Variants in ERICH3 observed in about 807,000 individuals in gnomAD.
ERICH3 encodes the protein glutamate-rich protein 3.
Under a neutral mutation model 131.1 loss-of-function variants are expected in ERICH3, and 126 were observed. The ratio of observed to expected loss-of-function variants is 0.96; its 90% confidence interval spans 0.83 to 1.11. The LOEUF (loss-of-function observed/expected upper bound fraction) is 1.11, where lower values mean the gene tolerates loss of function less well. Ranked by LOEUF, ERICH3 falls within the 50% of genes most tolerant of loss-of-function variation. The probability of loss-of-function intolerance (pLI) is 0.00; values close to 1 mark genes in which losing one functional copy is unlikely to be tolerated. For missense variants in ERICH3, 2,050 were observed against 1,810.7 expected, an observed-to-expected ratio of 1.13 and a Z score of -2.40; for synonymous variants, 695 against 644.6, an observed-to-expected ratio of 1.08 and a Z score of -1.18.
intron 7 of ERICH3, among the ~76,000 whole-genome samples, chr1:74,626,402 C>G (rs947176602): frequency 1.3e-5 from 2 of 152,102 alleles, no homozygotes; most frequent in African/African-American, 2.4e-5. Context: ...TTATTTGGTA[C>G]CTAGGAGGTA....
chr1:74,578,280 A>AATG (rs3036371), intron 12 of ERICH3: 3,975 of 177,494 alleles, frequency 0.022, 156 homozygotes, highest in African/African-American at 0.083. Context: ...TAATAACAGC[A>AATG]ATGATGATGA....
intron 12 of ERICH3, chr1:74,578,703 TC>T (rs1327314380): frequency 1.7e-5 from 1 of 57,742 alleles, no homozygotes; most frequent in Non-Finnish European, 5.8e-5. Context: ...TTTACTTCCT[TC>T]CTTCCTTCCT....
chr1:74,661,377 T>G (rs2100654049), intron 1 of ERICH3, among the ~76,000 whole-genome samples: 1 of 152,260 alleles, frequency 6.6e-6, no homozygotes, highest in South Asian at 2.1e-4. Flanking sequence ...GGGTCATTGC[T>G]TCCATTTTTA....
intron 6 of ERICH3, 114 bp from the exon 7 acceptor site, chr1:74,632,042 T>C: frequency 5.5e-6 from 5 of 911,162 alleles, no homozygotes; most frequent in Non-Finnish European, 8.3e-6. Context: ...ACAACTGATA[T>C]CAATAGACAA....
intron 1 of ERICH3, among the ~76,000 whole-genome samples, chr1:74,656,408 C>A (rs1646584004): frequency 6.6e-6 from 1 of 152,274 alleles, no homozygotes; most frequent in South Asian, 2.1e-4. Context: ...CCTCTACCAT[C>A]ACTTTTGAAA....
intron 1 of ERICH3, 143 bp downstream of exon 1, chr1:74,673,354 A>C: frequency 1.2e-6 from 1 of 868,142 alleles, no homozygotes; most frequent in Non-Finnish European, 1.7e-6. Context: ...GCTGCAACCC[A>C]GAATTCGTAT....
chr1:74,589,961 T>TG lies in ERICH3; in HGVS notation c.1845dup (p.Arg616GlnfsTer10). The TG allele has an allele frequency of 3.7e-6, 6 of 1,614,074 alleles. No individual in the cohort carries two copies. Among genetic ancestry groups the TG allele is most frequent in the Non-Finnish European group, 5.1e-6 (6 of 1,179,954 alleles). On this transcript the variant is annotated frameshift_variant, in exon 12 of 15. Coordinates refer to ENST00000326665, the MANE Select transcript of ERICH3 (RefSeq NM_001002912.5). LOFTEE classifies it high-confidence loss of function. ...CTCAGTTCCTGAGAAGATGACCTTC[T>TG]GGCACTTTCATCTGTGCTGCTGTCA... is the stretch of plus-strand genomic sequence containing the variant.
Position 74,572,560 on chromosome 1 carries a change from T to C in ERICH3, c.3150A>G (p.Leu1050=). Residue 1050 remains leucine, a synonymous_variant, in exon 14 of 15, where the codon TTA becomes TTG. Coordinates refer to ENST00000326665, the MANE Select transcript of ERICH3 (RefSeq NM_001002912.5). ...CTCTTGCTAAATCTAATTCCTTGGGTAAAATTTCTTTCCTATCATCTTCCC... is the reference window on the plus strand; with the variant it reads ...CTCTTGCTAAATCTAATTCCTTGGGCAAAATTTCTTTCCTATCATCTTCCC... The part of the protein sequence containing the change: ...ANREDDRKEI[L]PKELDLARER... 1 of 1,614,054 alleles carries C rather than the reference T, an allele frequency of 6.2e-7. No individual in the cohort carries two copies. The highest frequency in any genetic ancestry group is 1.3e-5 in the African/African-American group (1 of 74,998).
rs202028829 is a variant in ERICH3 at position 74,649,022 on chromosome 1, GT to G, written c.117+199del. Among the ~76,000 whole-genome samples the G allele has an allele frequency of 5.2e-3, 787 of 152,210 alleles. 7 individuals are homozygous for G. Among genetic ancestry groups the G allele is most frequent in the African/African-American group, 0.018 (749 of 41,542 alleles). ...GGACCTTTTCCTCAATAATTTATAA[GT>G]TTTCTTAGCAGTCATAGTGACCTGC... is the stretch of plus-strand genomic sequence containing the variant. On this transcript the variant is annotated intron_variant, in intron 2 of 14. Coordinates refer to ENST00000326665, the MANE Select transcript of ERICH3 (RefSeq NM_001002912.5).
chr1:74,648,238 T>C (rs1443908362), intron 2 of ERICH3, among the ~76,000 whole-genome samples: 1 of 152,172 alleles, frequency 6.6e-6, no homozygotes, highest in Non-Finnish European at 1.5e-5. Context: ...GTCCTTCCCA[T>C]TTGTAGGCAA....
At chr1:74,585,182 ATT>A (rs1319271196) in intron 12 of ERICH3, among the ~76,000 whole-genome samples, 1 of 152,220 alleles carries the variant, frequency 6.6e-6, no homozygotes, top group Non-Finnish European at 1.5e-5. Context: ...ATTAGAACAT[ATT>A]GCCAAGATTG....
intron 11 of ERICH3, among the ~76,000 whole-genome samples, chr1:74,590,355 A>G (rs1414005342): frequency 6.6e-6 from 1 of 152,132 alleles, no homozygotes; most frequent in African/African-American, 2.4e-5. Context: ...CGTTATTTCC[A>G]TTATTATTAC....
At chr1:74,600,438 T>G (rs1201512911) in intron 10 of ERICH3, among the ~76,000 whole-genome samples, 1 of 151,898 alleles carries the variant, frequency 6.6e-6, no homozygotes, top group Non-Finnish European at 1.5e-5. Flanking sequence ...AATAGCACAT[T>G]ATTTAAGAAA....
At chr1:74,590,573 T>A (rs966775597) in intron 11 of ERICH3, among the ~76,000 whole-genome samples, 1 of 152,138 alleles carries the variant, frequency 6.6e-6, no homozygotes, top group Non-Finnish European at 1.5e-5. Context: ...CCTATGAGGA[T>A]CTAATGTTTC....
rs549008796 is a variant in ERICH3, at chr1:74,574,721, A to T, written c.2219-1230T>A. ...TCATAGTTCAATAAATATAGGTTTG[A>T]TATGTTTTTAATGGAACAAAGTGGA... On this transcript the variant is annotated intron_variant, in intron 13 of 14. Transcript: ENST00000326665. Among the ~76,000 whole-genome samples the T allele has an allele frequency of 5.9e-5, 9 of 152,296 alleles. No individual in the cohort carries two copies. In the East Asian group the frequency reaches 1.7e-3, roughly 29 times the overall value.
At position 74,673,689 on chromosome 1, in the gene ERICH3, C is replaced by A. The variant is rs1646763167; in HGVS notation, c.-170G>T. The A allele has an allele frequency of 7.7e-6, 4 of 520,178 alleles. No homozygotes were observed. The highest frequency in any genetic ancestry group is 4.8e-5 in the South Asian group (1 of 20,746). 32.2% of individuals were successfully genotyped at this position (520,178 alleles called of 1,614,324 possible). ...GCCGCCCCTGGGCGCCCGGGCTACC[C>A]GCAGCCTCCCGGGCTCCCACCCTCC... On this transcript the variant is annotated 5_prime_UTR_variant, in exon 1 of 15. Transcript: ENST00000326665.
chr1:74,650,458 A>T (rs923974323), intron 1 of ERICH3, among the ~76,000 whole-genome samples: 1 of 152,156 alleles, frequency 6.6e-6, no homozygotes, highest in Non-Finnish European at 1.5e-5. Flanking sequence ...ATACATAGAC[A>T]TATACATAGA....
intron 6 of ERICH3, chr1:74,634,780 G>A: frequency 1.5e-6 from 1 of 647,850 alleles, no homozygotes; most frequent in South Asian, 1.8e-5. Context: ...AGGATACAGA[G>A]GATTTTAGCC....
At chr1:74,636,497 C>A (rs559782933) in intron 5 of ERICH3, 59 bp from the exon 6 acceptor site, 10 of 1,474,068 alleles carry the variant, frequency 6.8e-6, no homozygotes, top group Non-Finnish European at 7.4e-6. Context: ...TTTCCAGAAC[C>A]AATTAATAAC....
Sources: gnomAD v4.1 joint callset for allele counts (sites outside exome capture counted in the v4.1 genomes callset) on GRCh38, gnomAD v4.1.1 for gene constraint, MANE v1.5 for transcripts, NCBI Gene and HGNC (gene_info 2026-07-23, HGNC 2026-07-21) for gene names.